Variants in KIF13A observed in about 807,000 individuals in gnomAD.
The protein encoded by KIF13A is kinesin-like protein KIF13A.
KIF13A carries 79 observed loss-of-function variants against 212.2 expected under a neutral mutation model. The ratio of observed to expected loss-of-function variants is 0.37; its 90% CI spans 0.31 to 0.45. The LOEUF (loss-of-function observed/expected upper bound fraction) is 0.45, where lower values mean the gene tolerates loss of function less well. KIF13A is among the 20% of genes least tolerant of loss of function. KIF13A has a pLI of 1.00. For synonymous variants in KIF13A, 789 were observed against 808.6 expected (o/e 0.98, Z 0.41); for missense variants, 1,901 against 2,209.0 (o/e 0.86, Z 2.79).
Position 17,987,282 on chromosome 6 carries a change from C to A in KIF13A, c.55+127G>T, listed in dbSNP as rs1581967190. 5 of 843,472 alleles carry A rather than the reference C, an allele frequency of 5.9e-6. No homozygotes were observed. Among genetic ancestry groups the A allele is most frequent in the Non-Finnish European group, 7.7e-6 (5 of 647,774 alleles). 52.2% of individuals were successfully genotyped at this position (843,472 alleles called of 1,614,324 possible). A position where few individuals can be genotyped will look rare whatever the true frequency, so the allele number is the denominator to read the frequency against. ...ACGGCGCCCCGGGCACCACGGCCAG[C>A]GCGGACGCCGCCTCCGCCCCGGCCC... is the stretch of plus-strand genomic sequence containing the variant. On this transcript the variant is annotated intron_variant, in intron 1 of 38. Coordinates refer to ENST00000259711, the MANE Select transcript of KIF13A (RefSeq NM_022113.6). The surrounding 1 kb of genome is among the most constrained non-coding windows in gnomAD (Gnocchi z 7.7).
At position 17,780,806 on chromosome 6, in the gene KIF13A, G is replaced by A. The variant is rs61729950; in HGVS notation, c.3770C>T (p.Thr1257Ile). 9.1e-4 allele frequency: 1,462 copies of A among 1,613,954 alleles called. 10 individuals are homozygous for A. In the African/African-American group the frequency reaches 0.017, roughly 19 times the overall value. Residue 1257 changes from threonine (T) to isoleucine (I), a missense_variant, in exon 31 of 39, where the codon ACA (threonine) becomes ATA (isoleucine). By Grantham distance (89) the Thr-to-Ile change is moderately conservative. Transcript: ENST00000259711. ...NERIYLIVKT[T>I]VQLSHPAAME... ...AGCAGCAGGGTGGCTGAGTTGAACT[G>A]TGGTTTTCACAATTAGGTAAATCCT...
At chr6:17,778,847 CT>C in intron 33 of KIF13A, 99 bp downstream of exon 33, 1 of 1,371,208 alleles carries the variant, frequency 7.3e-7, no homozygotes, top group African/African-American at 1.4e-5. Flanking sequence ...TGCTCCTTCT[CT>C]GATAGATTTA....
intron 23 of KIF13A, 87 bp downstream of exon 23, chr6:17,796,582 G>T: frequency 5.7e-5 from 42 of 740,042 alleles, no homozygotes; most frequent in Middle Eastern, 2.9e-4. Context: ...TTTTTTATAA[G>T]CAGCCTCCTA....
intron 14 of KIF13A, among the ~76,000 whole-genome samples, chr6:17,827,071 T>TAA (rs542468607): frequency 7.1e-6 from 1 of 141,188 alleles, no homozygotes; most frequent in African/African-American, 2.6e-5. Flanking sequence ...CAAAATAAAT[T>TAA]AAAAAAAAAA....
intron 22 of KIF13A, among the ~76,000 whole-genome samples, chr6:17,798,773 T>C (rs1762247483): frequency 6.6e-6 from 1 of 152,224 alleles, no homozygotes; most frequent in Non-Finnish European, 1.5e-5. Flanking sequence ...TTTTCTCATA[T>C]GACTTATGAG....
chr6:17,931,327 C>G (rs896728384), intron 2 of KIF13A, among the ~76,000 whole-genome samples: 6 of 152,148 alleles, frequency 3.9e-5, no homozygotes, highest in African/African-American at 1.2e-4. Context: ...ACAATTTGCA[C>G]TCATGAAATA....
At chr6:17,820,761 G>A (rs2150358976) in intron 16 of KIF13A, among the ~76,000 whole-genome samples, 1 of 152,284 alleles carries the variant, frequency 6.6e-6, no homozygotes, top group East Asian at 1.9e-4. Flanking sequence ...GTCCTCATTA[G>A]TTTCTTCTTT....
At chr6:17,803,987 C>A (rs145029828) in intron 20 of KIF13A, among the ~76,000 whole-genome samples, 2,336 of 152,246 alleles carry the variant, frequency 0.015, 21 homozygotes, top group Non-Finnish European at 0.027. Context: ...CCCGTCTCCA[C>A]TAAAAATACA....
chr6:17,818,860 A>G (rs1218292798), intron 16 of KIF13A, among the ~76,000 whole-genome samples: 2 of 152,192 alleles, frequency 1.3e-5, no homozygotes, highest in South Asian at 2.1e-4. Flanking sequence ...TTTGCTTACA[A>G]TTAGTATTCT....
In KIF13A at chr6:17,987,078, G is replaced by A. The variant is rs148788770; in HGVS notation, c.122C>T (p.Pro41Leu). 705 of 1,612,770 alleles carry A rather than the reference G, an allele frequency of 4.4e-4. 5 individuals carry two copies. The African/African-American group carries it at 8.7e-3, about 20-fold the overall frequency. ...CCTTTCTCCCTGTTTGGTGTTAGAA[G>A]GAGGAGGGTGCAGGACCGTTTGATT... ...EGNQTVLHPP[P>L]SNTKQGERKP... The change falls in exon 2 of 39, where the codon CCT (proline) becomes CTT (leucine). Residue 41 changes from proline (P) to leucine (L), a missense_variant. By Grantham distance (98) the Pro-to-Leu change is moderately conservative. This residue lies in a region of KIF13A where 506 missense variants were observed against 637.4 expected (regional missense o/e 0.79). Transcript: ENST00000259711. The surrounding 1 kb of genome is among the most constrained non-coding windows in gnomAD (Gnocchi z 7.7).
At chr6:17,790,542 G>A (rs766417927) in intron 25 of KIF13A, among the ~76,000 whole-genome samples, 2 of 152,198 alleles carry the variant, frequency 1.3e-5, no homozygotes, top group Non-Finnish European at 2.9e-5. Context: ...TTTGAGATAG[G>A]CTTAGGAAGA....
Position 17,776,164 on chromosome 6 carries a change from C to T in KIF13A, c.4171-1102G>A, listed in dbSNP as rs1759964213. 6.6e-6 allele frequency among the ~76,000 whole-genome samples: 1 copy of T among 152,216 alleles called. No individual in the cohort carries two copies. Among genetic ancestry groups the T allele is most frequent in the South Asian group, 2.1e-4 (1 of 4,828 alleles). On this transcript the variant is annotated intron_variant, in intron 34 of 38. Transcript: ENST00000259711. The surrounding 1 kb of genome is among the most constrained non-coding windows in gnomAD (Gnocchi z 4.6). Reference sequence around the variant, plus strand: ...AAGTGCTGGGATTATAAGCGTGAGCCACCGTGCCCGATCTTCTTTACTTTT... The same window carrying T: ...AAGTGCTGGGATTATAAGCGTGAGCTACCGTGCCCGATCTTCTTTACTTTT...
In KIF13A at chr6:17,787,906, T is replaced by C. The variant is rs759738636; in HGVS notation, c.3262-31A>G. ...ATCAGGGAGGGAAAATATTTTCCTGTAGACTGCACAGACAACGATTTCTTT... is the reference window on the plus strand; with the variant it reads ...ATCAGGGAGGGAAAATATTTTCCTGCAGACTGCACAGACAACGATTTCTTT... On this transcript the variant is annotated intron_variant, in intron 26 of 38. Transcript: ENST00000259711. The surrounding 1 kb of genome is among the most constrained non-coding windows in gnomAD (Gnocchi z 4.6). The C allele has an allele frequency of 8.5e-7, 1 of 1,171,680 alleles. No individual in the cohort carries two copies. The highest frequency in any genetic ancestry group is 2.3e-5 in the East Asian group (1 of 42,770). The allele number at this position is 1,171,680 out of a possible 1,614,324, so 72.6% of individuals were successfully genotyped here.
rs182033425 is a variant in KIF13A, at chr6:17,937,766, T to C, written c.147-39586A>G. On this transcript the variant is annotated intron_variant, in intron 2 of 38. Coordinates refer to ENST00000259711, the MANE Select transcript of KIF13A (RefSeq NM_022113.6). ...TTTTTGTTTTTTTTTTTTTGTTTTTTTGAGACGGAGTCTCGCTCTGTCGAC... is the reference window on the plus strand; with the variant it reads ...TTTTTGTTTTTTTTTTTTTGTTTTTCTGAGACGGAGTCTCGCTCTGTCGAC... Among the ~76,000 whole-genome samples the C allele has an allele frequency of 6.0e-5, 9 of 150,288 alleles. No individual in the cohort carries two copies. In the East Asian group the frequency reaches 1.8e-3, roughly 30 times the overall value.
At chr6:17,875,653 C>T (rs976995620) in intron 3 of KIF13A, among the ~76,000 whole-genome samples, 9 of 152,134 alleles carry the variant, frequency 5.9e-5, no homozygotes, top group African/African-American at 1.9e-4. Context: ...CGAGGTCTCA[C>T]CATGTTGGCC....
At chr6:17,960,551 C>A (rs1778728958) in intron 2 of KIF13A, among the ~76,000 whole-genome samples, 2 of 152,032 alleles carry the variant, frequency 1.3e-5, no homozygotes, top group Non-Finnish European at 2.9e-5. Flanking sequence ...ATACTATTAC[C>A]CAAAGAGGGA....
At chr6:17,974,767 G>T (rs1003680851) in intron 2 of KIF13A, among the ~76,000 whole-genome samples, 2 of 152,172 alleles carry the variant, frequency 1.3e-5, no homozygotes, top group Non-Finnish European at 2.9e-5. Flanking sequence ...AAATTCTGTG[G>T]TGCAGCTAAG....
At position 17,872,368 on chromosome 6, in the gene KIF13A, A is replaced by G. The variant is rs558318073; in HGVS notation, c.220+1009T>C. Among the ~76,000 whole-genome samples, 2 of 152,296 alleles carry G rather than the reference A, an allele frequency of 1.3e-5. No individual in the cohort carries two copies. Among genetic ancestry groups the G allele is most frequent in the African/African-American group, 2.4e-5 (1 of 41,572 alleles). ...AGAATGTCATTCAGCTGATGCTCTT[A>G]TAAGTAGAAATAAGGAGAAAACACT... On this transcript the variant is annotated intron_variant, in intron 4 of 38. Transcript: ENST00000259711. The surrounding 1 kb of genome is among the most constrained non-coding windows in gnomAD (Gnocchi z 4.7).
At chr6:17,851,799 C>CT (rs1562055714) in intron 7 of KIF13A, among the ~76,000 whole-genome samples, 156 bp downstream of exon 7, 1 of 152,222 alleles carries the variant, frequency 6.6e-6, no homozygotes, top group East Asian at 1.9e-4. Context: ...ATTAAAAGCC[C>CT]TTTTCCTCTC....
Sources: allele counts gnomAD v4.1 joint callset (sites outside exome capture counted in the v4.1 genomes callset), GRCh38; gene constraint gnomAD v4.1.1; regional missense constraint gnomAD v4.1.1; non-coding constraint Gnocchi (gnomAD v3.1); transcripts MANE v1.5; gene names NCBI Gene and HGNC (gene_info 2026-07-23, HGNC 2026-07-21).